Variants in ATAD2 observed in about 807,000 individuals in gnomAD.
ATAD2 encodes the protein ATPase family AAA domain-containing protein 2.
ATAD2 carries 62 observed loss-of-function variants against 168.9 expected under a neutral mutation model. The observed-to-expected ratio is 0.37, with a 90% CI of 0.30 to 0.45. The LOEUF is 0.45. ATAD2 is among the 20% of genes least tolerant of loss of function. ATAD2 has a pLI of 1.00. For synonymous variants in ATAD2, 613 were observed against 571.6 expected, an observed-to-expected ratio of 1.07 and a Z score of -1.03; for missense variants, 1,419 against 1,667.8, an observed-to-expected ratio of 0.85 and a Z score of 2.60.
chr8:123,389,131 T>TG (rs1586904024), intron 1 of ATAD2, among the ~76,000 whole-genome samples: 2 of 44,382 alleles, frequency 4.5e-5, no homozygotes, highest in East Asian at 1.5e-3. Flanking sequence ...CACGCCCGGC[T>TG]AATTTTTTTT....
chr8:123,407,943 C>A (rs969324866), intron 1 of ATAD2, among the ~76,000 whole-genome samples: 1 of 152,036 alleles, frequency 6.6e-6, no homozygotes, highest in Non-Finnish European at 1.5e-5. Context: ...GCTACAGAAA[C>A]GAGGCTCAGG....
In ATAD2 at chr8:123,336,356, A is replaced by G; in HGVS notation, c.3211+17T>C. 3 of 1,565,160 alleles carry G rather than the reference A, an allele frequency of 1.9e-6. No homozygotes were observed. Among genetic ancestry groups the G allele is most frequent in the Admixed American group, 2.1e-5 (1 of 48,582 alleles). On this transcript the variant is annotated intron_variant, in intron 22 of 27. Coordinates refer to ENST00000287394, the MANE Select transcript of ATAD2 (RefSeq NM_014109.4). ...CCCCCAACTCAACCCCCTGAAAAAA[A>G]ATTCACTAATGCTCACCTCCAGGAT... is the stretch of plus-strand genomic sequence containing the variant.
At chr8:123,375,234 ATCT>A (rs765810984) in intron 2 of ATAD2, among the ~76,000 whole-genome samples, 87 of 152,330 alleles carry the variant, frequency 5.7e-4, no homozygotes, top group Admixed American at 8.5e-4. Context: ...TGTACAGGAA[ATCT>A]TCTTGACAGA....
At chr8:123,366,859 C>G (rs1016008688) in intron 8 of ATAD2, among the ~76,000 whole-genome samples, 5 of 151,468 alleles carry the variant, frequency 3.3e-5, no homozygotes, top group Non-Finnish European at 2.9e-5. Context: ...TAACCAAATA[C>G]CACCTGCTCC....
chr8:123,371,026 A>T, intron 5 of ATAD2, 36 bp from the exon 6 acceptor site: 1 of 1,451,380 alleles, frequency 6.9e-7, no homozygotes, highest in African/African-American at 1.4e-5. Context: ...TAACATTTGG[A>T]ATCTATTTAT....
At chr8:123,395,960 G>A (rs914423550) in intron 1 of ATAD2, among the ~76,000 whole-genome samples, 13 of 152,326 alleles carry the variant, frequency 8.5e-5, no homozygotes, top group Admixed American at 6.5e-4. Flanking sequence ...TTGCGTAAAA[G>A]TAGGTGGTGA....
intron 1 of ATAD2, among the ~76,000 whole-genome samples, chr8:123,395,925 C>G (rs1355105194): frequency 1.3e-5 from 2 of 152,188 alleles, no homozygotes; most frequent in African/African-American, 4.8e-5. Context: ...GACCGCACTC[C>G]GCTGTGGCGG....
intron 17 of ATAD2, 51 bp from the exon 18 acceptor site, chr8:123,346,323 T>C (rs1828240800): frequency 2.0e-6 from 3 of 1,463,918 alleles, no homozygotes; most frequent in Non-Finnish European, 9.1e-7. Flanking sequence ...CAGTTTAAAT[T>C]TTCCCCCTAA....
Position 123,321,027 on chromosome 8 carries a change from T to G in ATAD2, c.*107A>C, listed in dbSNP as rs1187675545. On this transcript the variant is annotated 3_prime_UTR_variant, in exon 28 of 28. Transcript: ENST00000287394. Reference sequence around the variant, plus strand: ...AAATACTTTTATTTTACTATTTTAATCTTTTCCTTAAAGATGCAGGGTTTC... The same window carrying G: ...AAATACTTTTATTTTACTATTTTAAGCTTTTCCTTAAAGATGCAGGGTTTC... The G allele has an allele frequency of 8.5e-6, 8 of 945,322 alleles. No individual in the cohort carries two copies. In the East Asian group the frequency reaches 9.9e-5, roughly 12 times the overall value. The allele number at this position is 945,322 out of a possible 1,614,324, so 58.6% of individuals were successfully genotyped here.
intron 12 of ATAD2, 64 bp from the exon 13 acceptor site, chr8:123,356,541 A>T: frequency 6.7e-6 from 7 of 1,051,784 alleles, no homozygotes; most frequent in Non-Finnish European, 9.6e-6. Flanking sequence ...GACTTAATAT[A>T]AACCATTTTA....
chr8:123,387,476 C>T (rs1417429960), intron 1 of ATAD2, among the ~76,000 whole-genome samples: 1 of 152,130 alleles, frequency 6.6e-6, no homozygotes, highest in Non-Finnish European at 1.5e-5. Flanking sequence ...GAGATGGGGA[C>T]TTTCACTTTC....
At chr8:123,413,443 GTTTA>G (rs1563874708) in intron 1 of ATAD2, among the ~76,000 whole-genome samples, 4 of 152,232 alleles carry the variant, frequency 2.6e-5, no homozygotes, top group Middle Eastern at 3.4e-3. Flanking sequence ...GCAGAGATTA[GTTTA>G]TTTAATTTTC....
chr8:123,359,754 G>A, intron 9 of ATAD2, 69 bp from the exon 10 acceptor site: 3 of 1,023,874 alleles, frequency 2.9e-6, no homozygotes, highest in Admixed American at 2.6e-5. Flanking sequence ...TTCCATGTTT[G>A]AATATAAACA....
rs368797157 is a variant in ATAD2 at position 123,334,239 on chromosome 8, G to T, written c.3295C>A (p.Gln1099Lys). The stretch of plus-strand genomic sequence containing the variant: ...GATTCCTGAATTTCTTCACAGAGCT[G>T]CTCAAAGTCTTCATCAAGTTCTTCT... ...IKEELDEDFEQLCEEIQESRK... is the reference protein window; with the variant it reads ...IKEELDEDFEKLCEEIQESRK... The change falls in exon 23 of 28, where the codon CAG becomes AAG. Residue 1099 changes from glutamine (Q) to lysine (K), a missense_variant. This residue lies in a region of ATAD2 where 545 missense variants were observed against 724.9 expected (regional missense o/e 0.75). Transcript: ENST00000287394. 59 of 1,601,978 alleles carry T rather than the reference G, an allele frequency of 3.7e-5. No individual in the cohort carries two copies. The highest frequency in any genetic ancestry group is 4.8e-5 in the Non-Finnish European group (56 of 1,176,950).
intron 10 of ATAD2, 93 bp downstream of exon 10, chr8:123,359,483 CT>C: frequency 2.2e-6 from 3 of 1,338,372 alleles, no homozygotes; most frequent in Non-Finnish European, 3.1e-6. Context: ...AGAGTTTTGA[CT>C]AAAAAGAAAA....
Position 123,336,257 on chromosome 8 carries a change from G to A in ATAD2, c.3211+116C>T. 6.6e-6 allele frequency: 6 copies of A among 903,968 alleles called. No individual in the cohort carries two copies. In the South Asian group the frequency reaches 1.2e-4, roughly 17 times the overall value. The allele number at this position is 903,968 out of a possible 1,614,324, so 56.0% of individuals were successfully genotyped here. ...TTACCATTTGTAAAATGGTTGTTGTGAGGATTAAATAGTATTTTGATTATG... is the reference window on the plus strand; with the variant it reads ...TTACCATTTGTAAAATGGTTGTTGTAAGGATTAAATAGTATTTTGATTATG... On this transcript the variant is annotated intron_variant, in intron 22 of 27. Transcript: ENST00000287394.
chr8:123,381,650 A>G (rs1340716352), intron 1 of ATAD2, among the ~76,000 whole-genome samples: 1 of 152,200 alleles, frequency 6.6e-6, no homozygotes, highest in Admixed American at 6.5e-5. Flanking sequence ...GTTCTGTCAT[A>G]AAGTATTCCA....
chr8:123,328,495 T>C lies in ATAD2; in HGVS notation c.3563A>G (p.Asp1188Gly), dbSNP rs942689564. ...KKRRKISQAKDDSQNAIDHKI... is the reference protein window; with the variant it reads ...KKRRKISQAKGDSQNAIDHKI... ...GTGATCTATGGCATTCTGGCTATCA[T>C]CCTTTGCCTGTGAAATCTTCCTTCG... is the stretch of plus-strand genomic sequence containing the variant. Residue 1188 changes from aspartate to glycine, a missense_variant, in exon 25 of 28, where the codon GAT (aspartate) becomes GGT (glycine). By Grantham distance (94) the Asp-to-Gly change is moderately conservative. Around this residue, in one of 5 missense-constraint regions of ATAD2, gnomAD observed 303 missense variants for 304.3 expected, o/e 1.00. Coordinates refer to ENST00000287394, the MANE Select transcript of ATAD2 (RefSeq NM_014109.4). 5 of 1,600,318 alleles carry C rather than the reference T, an allele frequency of 3.1e-6. No individual in the cohort carries two copies. The highest frequency in any genetic ancestry group is 1.7e-5 in the Admixed American group (1 of 57,466).
chr8:123,399,201 G>T (rs1488501824), upstream of ATAD2, among the ~76,000 whole-genome samples: 1 of 151,448 alleles, frequency 6.6e-6, no homozygotes, highest in Non-Finnish European at 1.5e-5. Context: ...GGCAGAGGTT[G>T]CAGTGAGCCG....
Sources: allele counts gnomAD v4.1 joint callset (sites outside exome capture counted in the v4.1 genomes callset), GRCh38; gene constraint gnomAD v4.1.1; regional missense constraint gnomAD v4.1.1; transcripts MANE v1.5; gene names NCBI Gene and HGNC (gene_info 2026-07-23, HGNC 2026-07-21).